GTF3C4: variants seen among roughly 807,000 people sequenced by gnomAD.
GTF3C4 encodes the protein general transcription factor IIIC subunit 4.
A neutral mutation model predicts 67.5 loss-of-function variants in GTF3C4; 28 were observed. That is an observed-to-expected ratio of 0.41 (90% CI 0.31 to 0.57). The LOEUF is 0.57. Among genes scored for constraint, GTF3C4 ranks in the 20% least tolerant of loss-of-function variants. The pLI is 0.21. For missense variants in GTF3C4, 831 were observed against 1,033.2 expected (o/e 0.80, Z 2.68); for synonymous variants, 409 against 393.0 (o/e 1.04, Z -0.48).
chr9:132,682,061 A>T (rs1303256302), intron 2 of GTF3C4, among the ~76,000 whole-genome samples: 1 of 151,744 alleles, frequency 6.6e-6, no homozygotes, highest in African/African-American at 2.4e-5. Flanking sequence ...CCATGTTCTC[A>T]CCACTGCACT....
At chr9:132,682,826 A>G (rs1032791605) in intron 2 of GTF3C4, among the ~76,000 whole-genome samples, 8 of 151,910 alleles carry the variant, frequency 5.3e-5, no homozygotes, top group African/African-American at 1.9e-4. Context: ...CTGGTCTCGA[A>G]CTCCTGACCT....
rs569577202 is a variant in GTF3C4 at position 132,672,193 on chromosome 9, G to C, written c.357+1238G>C. On this transcript the variant is annotated intron_variant, in intron 1 of 4. Coordinates refer to ENST00000372146, the MANE Select transcript of GTF3C4 (RefSeq NM_012204.4). The stretch of plus-strand genomic sequence containing the variant: ...GAAATACAAAAGGAGGGAGGCAGAA[G>C]AAAGGTGATTTAAAAGGTGTATCTT... Among the ~76,000 whole-genome samples the C allele has an allele frequency of 1.3e-5, 2 of 152,304 alleles. 1 individual carries two copies. The highest frequency in any genetic ancestry group is 2.9e-5 in the Non-Finnish European group (2 of 68,022).
rs755974065 is a variant in GTF3C4, at chr9:132,670,548, C to G, written c.-51C>G. ...TGGCGGCGGCGGTCCGGGAGGTGGT[C>G]GCGCGACTGCGTGGAGCGCCAGGGC... On this transcript the variant is annotated 5_prime_UTR_variant, in exon 1 of 5. Transcript: ENST00000372146. 7.6e-7 allele frequency: 1 copy of G among 1,307,998 alleles called. No homozygotes were observed. Among genetic ancestry groups the G allele is most frequent in the Non-Finnish European group, 1.0e-6 (1 of 999,698 alleles). The allele number at this position is 1,307,998 out of a possible 1,614,324, so 81.0% of individuals were successfully genotyped here. A position where few individuals can be genotyped will look rare whatever the true frequency, so the allele number is the denominator to read the frequency against.
In GTF3C4 at chr9:132,670,817, C is replaced by G; in HGVS notation, c.219C>G (p.Ser73=). 1.2e-6 allele frequency: 2 copies of G among 1,606,264 alleles called. No homozygotes were observed. Among genetic ancestry groups the G allele is most frequent in the Non-Finnish European group, 1.7e-6 (2 of 1,178,706 alleles). ...AVSGLEPLAW[S]EDHRVSVSTA... is the part of the protein sequence containing the mutation. The stretch of plus-strand genomic sequence containing the variant: ...GCGGCCTGGAACCGCTGGCTTGGTC[C>G]GAGGACCACCGCGTGTCTGTGTCCA... The change falls in exon 1 of 5, where the codon TCC becomes TCG. Residue 73 remains serine (S), a synonymous_variant. Coordinates refer to ENST00000372146, the MANE Select transcript of GTF3C4 (RefSeq NM_012204.4).
rs1163746769 is a variant in GTF3C4 at position 132,694,073 on chromosome 9, TA to T, written c.*5129del. The T allele has an allele frequency of 6.6e-6, 1 of 152,172 alleles. No homozygotes were observed. Among genetic ancestry groups the T allele is most frequent in the Non-Finnish European group, 1.5e-5 (1 of 68,022 alleles). 9.4% of individuals were successfully genotyped at this position (152,172 alleles called of 1,614,324 possible). Reference sequence around the variant, plus strand: ...GGAAAGGAGATGCTTTTTCAATTCTTACCATCTGATTAGGTGGAATGTTTTA... The same window carrying T: ...GGAAAGGAGATGCTTTTTCAATTCTTCCATCTGATTAGGTGGAATGTTTTA... On this transcript the variant is annotated 3_prime_UTR_variant, in exon 5 of 5. Transcript: ENST00000372146.
chr9:132,673,694 G>A (rs1269114171), intron 1 of GTF3C4, among the ~76,000 whole-genome samples: 1 of 152,234 alleles, frequency 6.6e-6, no homozygotes, highest in Non-Finnish European at 1.5e-5. Flanking sequence ...GACAGTTTTA[G>A]TGTAGCACTG....
At chr9:132,681,649 T>TG (rs1835946642) in intron 2 of GTF3C4, among the ~76,000 whole-genome samples, 1 of 152,204 alleles carries the variant, frequency 6.6e-6, no homozygotes, top group Non-Finnish European at 1.5e-5. Flanking sequence ...ATGTACTGTG[T>TG]GTATATCTAT....
At position 132,678,607 on chromosome 9, in the gene GTF3C4, G is replaced by A; in HGVS notation, c.988G>A (p.Gly330Ser). Reference protein sequence around the residue: ...EYEHNNRKMSGLIVGSAFGPI... With the variant: ...EYEHNNRKMSSLIVGSAFGPI... ...TGAGCACAATAATCGAAAAATGAGT[G>A]GCCTTATTGTGGGGAGTGCTTTTGG... Residue 330 changes from glycine to serine, a missense_variant, in exon 2 of 5, where the codon GGC (glycine) becomes AGC (serine). This residue lies in a region of GTF3C4 where 390 missense variants were observed against 540.3 expected (regional missense o/e 0.72). Coordinates refer to ENST00000372146, the MANE Select transcript of GTF3C4 (RefSeq NM_012204.4). This position sits in a 1 kb window ranked among gnomAD's most constrained non-coding sequence, Gnocchi z 6.5. The A allele has an allele frequency of 5.6e-6, 9 of 1,614,100 alleles. No homozygotes were observed. The highest frequency in any genetic ancestry group is 7.6e-6 in the Non-Finnish European group (9 of 1,179,998).
Position 132,670,513 on chromosome 9 carries a change from G to C in GTF3C4, c.-86G>C, listed in dbSNP as rs2130887625. The stretch of plus-strand genomic sequence containing the variant: ...TGAGGGGAGAAAACCGCCGCGGAGG[G>C]CGCTGGGGGTGGCGGCGGCGGTCCG... On this transcript the variant is annotated 5_prime_UTR_variant, in exon 1 of 5. Transcript: ENST00000372146. 4 of 1,136,608 alleles carry C rather than the reference G, an allele frequency of 3.5e-6. No individual in the cohort carries two copies. In the East Asian group the frequency reaches 1.2e-4, roughly 34 times the overall value. 70.4% of individuals were successfully genotyped at this position (1,136,608 alleles called of 1,614,324 possible). A position where few individuals can be genotyped will look rare whatever the true frequency, so the allele number is the denominator to read the frequency against.
intron 4 of GTF3C4, 97 bp downstream of exon 4, chr9:132,687,424 C>G: frequency 1.5e-6 from 1 of 657,590 alleles, no homozygotes. Flanking sequence ...CTCTACACTT[C>G]TTGGTATTGT....
chr9:132,682,723 G>T (rs1189565820), intron 2 of GTF3C4, among the ~76,000 whole-genome samples: 1 of 149,578 alleles, frequency 6.7e-6, no homozygotes, highest in African/African-American at 2.5e-5. Context: ...TTCTGCCTCA[G>T]CCTCCTGAGT....
intron 1 of GTF3C4, among the ~76,000 whole-genome samples, chr9:132,677,032 T>G (rs1835873337): frequency 6.6e-6 from 1 of 152,196 alleles, no homozygotes; most frequent in East Asian, 1.9e-4. Context: ...GCTTTCCTAT[T>G]TTTTTATGGT....
Position 132,678,771 on chromosome 9 carries a change from G to C in GTF3C4, c.1152G>C (p.Gln384His). The change falls in exon 2 of 5, where the codon CAG becomes CAC. Residue 384 changes from glutamine (Q) to histidine (H), a missense_variant. By Grantham distance (24) the Gln-to-His change is conservative. This residue lies in a region of GTF3C4 where 390 missense variants were observed against 540.3 expected (regional missense o/e 0.72). Transcript: ENST00000372146. The surrounding 1 kb of genome is among the most constrained non-coding windows in gnomAD (Gnocchi z 6.5). ...IKCVPLYHPY[Q>H]KCSCSLVVAA... ...GTGTGCCACTTTATCATCCTTACCA[G>C]AAGTGTAGTTGCAGCTTAGTAGTGG... 1 of 1,614,134 alleles carries C rather than the reference G, an allele frequency of 6.2e-7. No homozygotes were observed. The highest frequency in any genetic ancestry group is 2.2e-5 in the East Asian group (1 of 44,888).
At chr9:132,680,532 T>TA (rs1402038515) in intron 2 of GTF3C4, among the ~76,000 whole-genome samples, 2 of 152,324 alleles carry the variant, frequency 1.3e-5, no homozygotes, top group East Asian at 3.9e-4. Context: ...TTCCAAGAAA[T>TA]ATACTGTGTT....
chr9:132,688,002 C>G (rs1016253010), intron 4 of GTF3C4, among the ~76,000 whole-genome samples: 4 of 152,208 alleles, frequency 2.6e-5, no homozygotes, highest in African/African-American at 9.7e-5. Flanking sequence ...AAACAGCATT[C>G]TATATAAAAC....
rs763532468 is a variant in GTF3C4 at position 132,679,645 on chromosome 9, A to G, written c.2026A>G (p.Ile676Val). Residue 676 changes from isoleucine (I) to valine (V), a missense_variant, in exon 2 of 5, where the codon ATC (isoleucine) becomes GTC (valine). Transcript: ENST00000372146. The surrounding 1 kb of genome is among the most constrained non-coding windows in gnomAD (Gnocchi z 5.9). ...EEKLLEIQGK[I>V]EAVEMHLTRE... is the part of the protein sequence containing the mutation. ...GAAACTCCTGGAAATCCAAGGGAAA[A>G]TCGAAGCTGTGGAGATGCACTTGAC... 2.5e-6 allele frequency: 4 copies of G among 1,614,178 alleles called. No homozygotes were observed. The highest frequency in any genetic ancestry group is 1.3e-5 in the African/African-American group (1 of 75,038).
intron 2 of GTF3C4, among the ~76,000 whole-genome samples, chr9:132,682,471 A>G (rs893905286): frequency 1.3e-5 from 2 of 151,832 alleles, no homozygotes; most frequent in African/African-American, 2.4e-5. Flanking sequence ...CACTAGTAAG[A>G]GAAGACAACT....
intron 1 of GTF3C4, 38 bp downstream of exon 1, chr9:132,670,993 T>C (rs747158641): frequency 6.4e-6 from 9 of 1,400,850 alleles, no homozygotes; most frequent in Non-Finnish European, 9.1e-6. Flanking sequence ...TCTTCCCCTG[T>C]CCCCCTCTCG....
chr9:132,672,204 TA>T (rs1390496770), intron 1 of GTF3C4, among the ~76,000 whole-genome samples: 1 of 152,166 alleles, frequency 6.6e-6, no homozygotes, highest in Non-Finnish European at 1.5e-5. Context: ...AAAGGTGATT[TA>T]AAAGGTGTAT....
Sources: gnomAD v4.1 joint callset for allele counts (sites outside exome capture counted in the v4.1 genomes callset) on GRCh38, gnomAD v4.1.1 for gene constraint, gnomAD v4.1.1 regional missense constraint, Gnocchi (gnomAD v3.1) non-coding constraint, MANE v1.5 for transcripts, NCBI Gene and HGNC (gene_info 2026-07-23, HGNC 2026-07-21) for gene names.